RNF43: variants seen among roughly 807,000 people sequenced by gnomAD.
RNF43 encodes the protein ring finger protein 43, also known as E3 ubiquitin-protein ligase RNF43.
RNF43 carries 37 observed loss-of-function variants against 78.4 expected under a neutral mutation model. That is an observed-to-expected ratio of 0.47 (90% CI 0.36 to 0.62). The LOEUF (loss-of-function observed/expected upper bound fraction) is 0.62, where lower values mean the gene tolerates loss of function less well. Among genes scored for constraint, RNF43 ranks in the 20% least tolerant of loss-of-function variants. The pLI is 0.00. For missense variants in RNF43, 774 were observed against 1,007.9 expected, an observed-to-expected ratio of 0.77 and a Z score of 3.14; for synonymous variants, 347 against 395.0, an observed-to-expected ratio of 0.88 and a Z score of 1.44.
At chr17:58,389,430 A>G (rs1973502097) in intron 2 of RNF43, among the ~76,000 whole-genome samples, 1 of 152,248 alleles carries the variant, frequency 6.6e-6, no homozygotes, top group Non-Finnish European at 1.5e-5. Context: ...TCTTAAAGGT[A>G]GTTTGAAATA....
rs1223636034 is a variant in RNF43, at chr17:58,415,383, C to T, written c.195G>A (p.Leu65=). The T allele has an allele frequency of 6.2e-7, 1 of 1,614,220 alleles. No homozygotes were observed. Among genetic ancestry groups the T allele is most frequent in the East Asian group, 2.2e-5 (1 of 44,886 alleles). ...CAGCAACACCAGCAAACACACCTTC[C>T]AAAGTGAGATTCAGTTTTCCTGTGG... ...MDPTGKLNLT[L]EGVFAGVAEI... The change falls in exon 2 of 10, where the codon TTG becomes TTA. Residue 65 remains leucine, a synonymous_variant. Coordinates refer to ENST00000407977, the MANE Select transcript of RNF43 (RefSeq NM_017763.6).
chr17:58,405,766 A>G lies in RNF43; in HGVS notation c.252+9560T>C, dbSNP rs144995337. Among the ~76,000 whole-genome samples the G allele has an allele frequency of 2.6e-3, 342 of 133,430 alleles. 1 individual carries two copies. The highest frequency in any genetic ancestry group is 8.7e-3 in the African/African-American group (322 of 37,074). The allele number at this position is 133,430 out of a possible 152,430, so 87.5% of individuals were successfully genotyped here. A position where few individuals can be genotyped will look rare whatever the true frequency, so the allele number is the denominator to read the frequency against. ...AGAAAGAAAGAAAGAAAGAAAGAAA[A>G]AGAGAAAATAAATAAATCAGCACTC... On this transcript the variant is annotated intron_variant, in intron 2 of 9. Transcript: ENST00000407977.
At chr17:58,394,529 T>C (rs1238010282) in intron 2 of RNF43, among the ~76,000 whole-genome samples, 1 of 152,232 alleles carries the variant, frequency 6.6e-6, no homozygotes, top group African/African-American at 2.4e-5. Context: ...TTCTGAAATA[T>C]GCAGAAACCA....
At chr17:58,409,636 G>A (rs1171077044) in intron 2 of RNF43, among the ~76,000 whole-genome samples, 1 of 152,062 alleles carries the variant, frequency 6.6e-6, no homozygotes, top group Non-Finnish European at 1.5e-5. Context: ...GCCTCTCACG[G>A]TGCTGGGATT....
At position 58,360,701 on chromosome 17, in the gene RNF43, C is replaced by A. The variant is rs2143443030; in HGVS notation, c.849+82G>T. The A allele has an allele frequency of 1.4e-6, 2 of 1,435,298 alleles. No individual in the cohort carries two copies. Among genetic ancestry groups the A allele is most frequent in the African/African-American group, 2.8e-5 (2 of 70,758 alleles). The allele number at this position is 1,435,298 out of a possible 1,614,324, so 88.9% of individuals were successfully genotyped here. A position where few individuals can be genotyped will look rare whatever the true frequency, so the allele number is the denominator to read the frequency against. Reference sequence around the variant, plus strand: ...ACAGATGTAGCCAGGGTACCCATACCAGCCCCTAGGCCTGCCCACCCCTCC... The same window carrying A: ...ACAGATGTAGCCAGGGTACCCATACAAGCCCCTAGGCCTGCCCACCCCTCC... On this transcript the variant is annotated intron_variant, in intron 7 of 9. Coordinates refer to ENST00000407977, the MANE Select transcript of RNF43 (RefSeq NM_017763.6). This position sits in a 1 kb window ranked among gnomAD's most constrained non-coding sequence, Gnocchi z 4.3.
At chr17:58,396,037 A>G (rs957577490) in intron 2 of RNF43, among the ~76,000 whole-genome samples, 8 of 152,194 alleles carry the variant, frequency 5.3e-5, no homozygotes, top group African/African-American at 7.2e-5. Flanking sequence ...CAGAGGAACA[A>G]CAGCAGCAAT....
rs1440835614 is a variant in RNF43 at position 58,357,521 on chromosome 17, G to A, written c.2255C>T (p.Ala752Val). The part of the protein sequence containing the change: ...EGPSEWSSDT[A>V]EGRPCPYPHC... ...CGGATAAGGGCATGGCCTGCCCTCT[G>A]CGGTGTCAGAACTCCATTCAGAAGG... Residue 752 changes from alanine (A) to valine (V), a missense_variant, in exon 9 of 10, where the codon GCA (alanine) becomes GTA (valine). By Grantham distance (64) the Ala-to-Val change is moderately conservative (BLOSUM62 0). Coordinates refer to ENST00000407977, the MANE Select transcript of RNF43 (RefSeq NM_017763.6). The surrounding 1 kb of genome is among the most constrained non-coding windows in gnomAD (Gnocchi z 4.5). 1 of 1,614,228 alleles carries A rather than the reference G, an allele frequency of 6.2e-7. No individual in the cohort carries two copies. Among genetic ancestry groups the A allele is most frequent in the Admixed American group, 1.7e-5 (1 of 60,030 alleles).
chr17:58,364,077 T>C (rs1186645022), intron 3 of RNF43, among the ~76,000 whole-genome samples: 2 of 152,190 alleles, frequency 1.3e-5, no homozygotes, highest in African/African-American at 2.4e-5. Flanking sequence ...CAGGGCCCAG[T>C]CCTGCCTGCA....
chr17:58,405,117 G>A (rs1162988177), intron 2 of RNF43, among the ~76,000 whole-genome samples: 11 of 119,452 alleles, frequency 9.2e-5, no homozygotes, highest in African/African-American at 2.6e-4. Flanking sequence ...TTGCTCTGTC[G>A]CCCAGGCTGG....
At chr17:58,374,154 T>C (rs1302648608) in intron 2 of RNF43, among the ~76,000 whole-genome samples, 1 of 151,490 alleles carries the variant, frequency 6.6e-6, no homozygotes, top group Non-Finnish European at 1.5e-5. Flanking sequence ...TTAAATAACA[T>C]GCCCAAGATT....
At chr17:58,376,134 C>T (rs764272973) in intron 2 of RNF43, among the ~76,000 whole-genome samples, 9 of 152,128 alleles carry the variant, frequency 5.9e-5, no homozygotes, top group Admixed American at 4.6e-4. Context: ...GAGTACTAGA[C>T]CCCAGGAGGC....
intron 2 of RNF43, among the ~76,000 whole-genome samples, chr17:58,394,552 A>G (rs1256215323): frequency 2.0e-5 from 3 of 152,248 alleles, no homozygotes; most frequent in African/African-American, 7.2e-5. Context: ...TAGTTGAACA[A>G]TCCTCACACA....
intron 2 of RNF43, among the ~76,000 whole-genome samples, chr17:58,379,847 T>A (rs1454403186): frequency 1.3e-5 from 2 of 152,232 alleles, no homozygotes; most frequent in Non-Finnish European, 2.9e-5. Flanking sequence ...GAAGTAGAAC[T>A]TTTATATCAT....
chr17:58,405,750 GAAAGAAAGAAAGAAAA>G (rs1347364821), intron 2 of RNF43, among the ~76,000 whole-genome samples: 2 of 150,002 alleles, frequency 1.3e-5, no homozygotes, highest in African/African-American at 5.0e-5. Flanking sequence ...AAGAAAGAAA[GAAAGAAAGAAAGAAAA>G]AGAGAAAATA....
chr17:58,372,487 G>C (rs1706531484), intron 2 of RNF43, among the ~76,000 whole-genome samples: 1 of 152,156 alleles, frequency 6.6e-6, no homozygotes, highest in Admixed American at 6.5e-5. Context: ...CAGTGAAGCT[G>C]TAGCCCCTGT....
In RNF43 at chr17:58,357,659, A is replaced by G. The variant is rs1189664630; in HGVS notation, c.2117T>C (p.Leu706Pro). ...AHPLICGPPGLDKRLLPETPG... is the reference protein window; with the variant it reads ...AHPLICGPPGPDKRLLPETPG... ...GGTTTCTGGTAGCAGCCTCTTGTCC[A>G]GGCCTGGAGGTCCACAGATCAAGGG... Residue 706 changes from leucine (L) to proline (P), a missense_variant, in exon 9 of 10, where the codon CTG (leucine) becomes CCG (proline). Physicochemically the swap from Leu to Pro is moderately conservative, Grantham distance 98. Coordinates refer to ENST00000407977, the MANE Select transcript of RNF43 (RefSeq NM_017763.6). The surrounding 1 kb of genome is among the most constrained non-coding windows in gnomAD (Gnocchi z 4.5). 9.3e-6 allele frequency: 15 copies of G among 1,613,648 alleles called. No individual in the cohort carries two copies. The highest frequency in any genetic ancestry group is 1.3e-5 in the Non-Finnish European group (15 of 1,179,726).
intron 3 of RNF43, 53 bp from the exon 4 acceptor site, chr17:58,363,653 A>C (rs1598134151): frequency 6.6e-7 from 1 of 1,509,632 alleles, no homozygotes; most frequent in Non-Finnish European, 9.1e-7. Flanking sequence ...GACAGAGCCC[A>C]CCCACAGGCT....
At position 58,357,556 on chromosome 17, in the gene RNF43, A is replaced by G. The variant is rs1972713476; in HGVS notation, c.2220T>C (p.Pro740=). The change falls in exon 9 of 10, where the codon CCT becomes CCC. Residue 740 remains proline, a synonymous_variant. Transcript: ENST00000407977. This position sits in a 1 kb window ranked among gnomAD's most constrained non-coding sequence, Gnocchi z 4.5. ...AACTCCATTCAGAAGGCCCCTCCCC[A>G]GGTGGATGTGGTTCCAGGGGCTGGC... is the stretch of plus-strand genomic sequence containing the variant. ...TPRQPLEPHP[P]GEGPSEWSSD... 1 of 1,614,172 alleles carries G rather than the reference A, an allele frequency of 6.2e-7. No individual in the cohort carries two copies. The highest frequency in any genetic ancestry group is 8.5e-7 in the Non-Finnish European group (1 of 1,180,026).
In RNF43 at chr17:58,370,999, T is replaced by C. The variant is rs1185954383; in HGVS notation, c.287A>G (p.Asp96Gly). Residue 96 changes from aspartate (D) to glycine (G), a missense_variant, in exon 3 of 10, where the codon GAC becomes GGC. Transcript: ENST00000407977. ...GATGAATCCAGGCTCCAGATTGTCGTCATCACTGGCATTGCACAGGTACAG... is the reference window on the plus strand; with the variant it reads ...GATGAATCCAGGCTCCAGATTGTCGCCATCACTGGCATTGCACAGGTACAG... ...HPLYLCNASDDDNLEPGFISI... is the reference protein window; with the variant it reads ...HPLYLCNASDGDNLEPGFISI... The C allele has an allele frequency of 6.2e-7, 1 of 1,610,660 alleles. No homozygotes were observed. The highest frequency in any genetic ancestry group is 2.2e-5 in the East Asian group (1 of 44,814).
Sources: allele counts gnomAD v4.1 joint callset (sites outside exome capture counted in the v4.1 genomes callset), GRCh38; gene constraint gnomAD v4.1.1; non-coding constraint Gnocchi (gnomAD v3.1); transcripts MANE v1.5; gene names NCBI Gene and HGNC (gene_info 2026-07-23, HGNC 2026-07-21).